RNF144A: variants seen among roughly 807,000 people sequenced by gnomAD.
RNF144A encodes E3 ubiquitin-protein ligase RNF144A.
In RNF144A, 11 loss-of-function variants were observed where a neutral mutation model predicts 38.7. That is an observed-to-expected ratio of 0.28 (90% CI 0.18 to 0.47). The LOEUF (loss-of-function observed/expected upper bound fraction) is 0.47. Ranked by LOEUF, RNF144A falls within the 20% of genes least tolerant of loss-of-function variation. The pLI is 0.99. For synonymous variants in RNF144A, 149 were observed against 143.9 expected (o/e 1.04, Z -0.25); for missense variants, 316 against 377.2 (o/e 0.84, Z 1.34).
Position 6,941,657 on chromosome 2 carries a change from A to G in RNF144A, c.-12+510A>G, listed in dbSNP as rs1271971054. Among the ~76,000 whole-genome samples, 3 of 152,246 alleles carry G rather than the reference A, an allele frequency of 2.0e-5. No individual in the cohort carries two copies. Among genetic ancestry groups the G allele is most frequent in the Admixed American group, 6.5e-5 (1 of 15,290 alleles). On this transcript the variant is annotated intron_variant, in intron 2 of 8. Transcript: ENST00000320892. The surrounding 1 kb of genome is among the most constrained non-coding windows in gnomAD (Gnocchi z 6.5). ...ATATACTATGCAACAAGGCCTAGAT[A>G]TTGTAGAGAAAAGAAAAAGTAGACC... is the stretch of plus-strand genomic sequence containing the variant.
chr2:6,982,701 A>G (rs1243904495), intron 2 of RNF144A, among the ~76,000 whole-genome samples: 1 of 152,168 alleles, frequency 6.6e-6, no homozygotes, highest in East Asian at 1.9e-4. Flanking sequence ...TAGCAATCAG[A>G]CGATTGAGAA....
In RNF144A at chr2:7,042,924, A is replaced by T. The variant is rs1405138324; in HGVS notation, c.*3164A>T. 1 of 898,026 alleles carries T rather than the reference A, an allele frequency of 1.1e-6. No homozygotes were observed. Among genetic ancestry groups the T allele is most frequent in the African/African-American group, 1.8e-5 (1 of 55,364 alleles). The allele number at this position is 898,026 out of a possible 1,614,324, so 55.6% of individuals were successfully genotyped here. A position where few individuals can be genotyped will look rare whatever the true frequency, so the allele number is the denominator to read the frequency against. The stretch of plus-strand genomic sequence containing the variant: ...CTTTTGTCCCCCAAGCTGGAGTACA[A>T]TGACAGGATCTCGGCTCACTGCAAG... On this transcript the variant is annotated 3_prime_UTR_variant, in exon 9 of 9. Transcript: ENST00000320892.
intron 1 of RNF144A, among the ~76,000 whole-genome samples, chr2:6,936,944 A>T (rs1316868717): frequency 6.6e-6 from 1 of 151,928 alleles, no homozygotes. Context: ...CAGAGACCAC[A>T]TCTTATTCAC....
chr2:6,969,197 A>G (rs895243254), intron 2 of RNF144A, among the ~76,000 whole-genome samples: 3 of 152,208 alleles, frequency 2.0e-5, no homozygotes, highest in Non-Finnish European at 2.9e-5. Flanking sequence ...GCTTAACTGT[A>G]TCCCCTTAAA....
downstream of RNF144A, among the ~76,000 whole-genome samples, chr2:7,045,349 C>T (rs1673263529): frequency 6.6e-6 from 1 of 152,176 alleles, no homozygotes; most frequent in African/African-American, 2.4e-5. Context: ...GCTTTACTGT[C>T]TTCCAGGTCT....
intron 3 of RNF144A, among the ~76,000 whole-genome samples, chr2:7,002,833 G>T (rs1372725169): frequency 6.6e-6 from 1 of 152,152 alleles, no homozygotes; most frequent in Admixed American, 6.5e-5. Context: ...AGAAGGCATT[G>T]TTGTTAATCT....
chr2:6,975,748 C>A (rs1036244972), intron 2 of RNF144A, among the ~76,000 whole-genome samples: 3 of 152,166 alleles, frequency 2.0e-5, no homozygotes, highest in Non-Finnish European at 2.9e-5. Context: ...ATCACCTGAG[C>A]CCAGGAGGAC....
At chr2:6,966,512 G>A (rs905578474) in intron 2 of RNF144A, among the ~76,000 whole-genome samples, 9 of 152,224 alleles carry the variant, frequency 5.9e-5, no homozygotes, top group African/African-American at 2.2e-4. Flanking sequence ...CTCTGAGGTT[G>A]GTTTGGGGAG....
chr2:7,060,058 C>T (rs1262688242), intron 6 of RNF144A, among the ~76,000 whole-genome samples: 1 of 152,112 alleles, frequency 6.6e-6, no homozygotes, highest in Non-Finnish European at 1.5e-5. Context: ...TGTCTTGAAA[C>T]GTTATCCATG....
chr2:6,986,069 C>T (rs1668943427), intron 2 of RNF144A, among the ~76,000 whole-genome samples: 1 of 152,088 alleles, frequency 6.6e-6, no homozygotes, highest in African/African-American at 2.4e-5. Flanking sequence ...CAGGTTTTCA[C>T]GTGGGCAGAA....
intron 6 of RNF144A, among the ~76,000 whole-genome samples, chr2:7,062,405 G>T (rs1673992663): frequency 6.6e-6 from 1 of 151,408 alleles, no homozygotes; most frequent in South Asian, 2.1e-4. Flanking sequence ...TCCTCTAGCT[G>T]GGAGTTCCTG....
At chr2:7,064,766 G>A (rs912681582) in intron 6 of RNF144A, among the ~76,000 whole-genome samples, 6 of 152,292 alleles carry the variant, frequency 3.9e-5, no homozygotes, top group African/African-American at 9.6e-5. Flanking sequence ...TTTGAGCTTC[G>A]CCTTGACACA....
chr2:6,986,444 GC>G (rs992479764), intron 2 of RNF144A, among the ~76,000 whole-genome samples: 1 of 152,084 alleles, frequency 6.6e-6, no homozygotes, highest in African/African-American at 2.4e-5. Flanking sequence ...TGCCGGGCCT[GC>G]CCCCTTGTTG....
chr2:6,951,921 T>C (rs1343837946), intron 2 of RNF144A, among the ~76,000 whole-genome samples: 3 of 152,176 alleles, frequency 2.0e-5, no homozygotes, highest in Non-Finnish European at 4.4e-5. Flanking sequence ...CTTTCTTTTT[T>C]GCATTAGAGC....
intron 2 of RNF144A, among the ~76,000 whole-genome samples, chr2:6,981,065 G>A (rs1415976085): frequency 6.6e-6 from 1 of 152,202 alleles, no homozygotes; most frequent in African/African-American, 2.4e-5. Flanking sequence ...CATGTCCCAA[G>A]GCTGCACAGA....
At chr2:7,013,293 G>A (rs1670932138) in intron 3 of RNF144A, among the ~76,000 whole-genome samples, 1 of 152,114 alleles carries the variant, frequency 6.6e-6, no homozygotes, top group Non-Finnish European at 1.5e-5. Context: ...AGATTAATAG[G>A]CTTGTTCTAA....
At chr2:6,991,117 G>T (rs1367156967) in intron 2 of RNF144A, among the ~76,000 whole-genome samples, 1 of 152,188 alleles carries the variant, frequency 6.6e-6, no homozygotes, top group East Asian at 1.9e-4. Context: ...AATTTTGGCA[G>T]TTACGGCTGA....
intron 1 of RNF144A, among the ~76,000 whole-genome samples, chr2:6,940,578 G>A (rs1453676380): frequency 6.6e-6 from 1 of 151,420 alleles, no homozygotes; most frequent in Non-Finnish European, 1.5e-5. Context: ...ATACTTCTGA[G>A]TTATTTTTCT....
intron 2 of RNF144A, among the ~76,000 whole-genome samples, chr2:6,990,926 G>T (rs76423711): frequency 0.014 from 2,080 of 152,242 alleles, 48 homozygotes; most frequent in African/African-American, 0.048. Flanking sequence ...TCCTAGAGTT[G>T]GGATCATATG....
Sources: allele counts gnomAD v4.1 joint callset (sites outside exome capture counted in the v4.1 genomes callset), GRCh38; gene constraint gnomAD v4.1.1; non-coding constraint Gnocchi (gnomAD v3.1); transcripts MANE v1.5; gene names NCBI Gene and HGNC (gene_info 2026-07-23, HGNC 2026-07-21).